The following VPS53 variants were observed in gnomAD, a reference collection of about 807,000 sequenced individuals.
VPS53 encodes the protein vacuolar protein sorting-associated protein 53 homolog.
A neutral mutation model predicts 107.0 loss-of-function variants in VPS53; 70 were observed. The observed-to-expected ratio is 0.65, with a 90% confidence interval of 0.54 to 0.80. The LOEUF is 0.80. Ranked by LOEUF, VPS53 falls within the 30% of genes least tolerant of loss-of-function variation. The probability of loss-of-function intolerance (pLI) is 0.00; values close to 1 mark genes in which losing one functional copy is unlikely to be tolerated. For missense variants in VPS53, 917 were observed against 1,049.4 expected, an observed-to-expected ratio of 0.87 and a Z score of 1.74; for synonymous variants, 409 against 393.3, an observed-to-expected ratio of 1.04 and a Z score of -0.47.
chr17:587,465 T>TAGAG (rs935886769), intron 12 of VPS53, among the ~76,000 whole-genome samples: 1 of 152,106 alleles, frequency 6.6e-6, no homozygotes, highest in Non-Finnish European at 1.5e-5. Context: ...ATCAGATAGA[T>TAGAG]AGAGAGAGAG....
chr17:549,825 G>C (rs983288818), intron 17 of VPS53, among the ~76,000 whole-genome samples: 20 of 152,318 alleles, frequency 1.3e-4, no homozygotes, highest in African/African-American at 4.6e-4. Flanking sequence ...GAGAATACTG[G>C]AAGTACCCAT....
intron 13 of VPS53, among the ~76,000 whole-genome samples, chr17:578,674 T>C (rs1323543147): frequency 3.3e-5 from 5 of 150,116 alleles, no homozygotes; most frequent in African/African-American, 1.2e-4. Flanking sequence ...ACAACTTCCC[T>C]GAGAACCTAA....
intron 17 of VPS53, among the ~76,000 whole-genome samples, chr17:546,835 G>T (rs928131284): frequency 6.6e-6 from 1 of 150,902 alleles, no homozygotes; most frequent in African/African-American, 2.4e-5. Context: ...TGACCATACG[G>T]CTCTTTCAGT....
chr17:570,372 CAAAAAAAAAAAAAA>C (rs57449097), intron 13 of VPS53, among the ~76,000 whole-genome samples: 1 of 90,438 alleles, frequency 1.1e-5, no homozygotes, highest in Non-Finnish European at 2.0e-5. Context: ...GACTCTGTCT[CAAAAAAAAAAAAAA>C]AAAAAAAAAG....
chr17:654,686 T>G lies in VPS53; in HGVS notation c.488+1152A>C, dbSNP rs372059682. Among the ~76,000 whole-genome samples, 406 of 132,010 alleles carry G rather than the reference T, an allele frequency of 3.1e-3. 3 individuals carry two copies. Among genetic ancestry groups the G allele is most frequent in the African/African-American group, 0.011 (354 of 33,068 alleles). 86.6% of individuals were successfully genotyped at this position (132,010 alleles called of 152,430 possible). A position where few individuals can be genotyped will look rare whatever the true frequency, so the allele number is the denominator to read the frequency against. On this transcript the variant is annotated intron_variant, in intron 6 of 21. Transcript: ENST00000437048. ...CGGGAGGCGGAGCTTGCAGTGAGCC[T>G]AGATCGCGCCACTGCACTCCAGCCT...
intron 13 of VPS53, among the ~76,000 whole-genome samples, chr17:582,289 G>A (rs1209640167): frequency 6.9e-6 from 1 of 145,414 alleles, no homozygotes; most frequent in Non-Finnish European, 1.5e-5. Context: ...AAACCTCAGT[G>A]TGTTCCCAGA....
chr17:592,143 A>G (rs1967693627), intron 12 of VPS53, among the ~76,000 whole-genome samples: 3 of 152,206 alleles, frequency 2.0e-5, no homozygotes, highest in Admixed American at 2.0e-4. Context: ...CCATTAAGTA[A>G]TGGCCTTCTT....
At chr17:628,610 G>A (rs1015255908) in intron 8 of VPS53, among the ~76,000 whole-genome samples, 1 of 152,096 alleles carries the variant, frequency 6.6e-6, no homozygotes, top group African/African-American at 2.4e-5. Flanking sequence ...AATGCCACCA[G>A]CCTCTCTCCT....
At chr17:710,718 G>A in intron 1 of VPS53, 105 bp from the exon 2 acceptor site, 1 of 803,338 alleles carries the variant, frequency 1.2e-6, no homozygotes, top group Non-Finnish European at 2.0e-6. Flanking sequence ...GGTGGCTCAT[G>A]CCTGTAATCA....
At chr17:552,309 TCG>T (rs1911896612) in intron 16 of VPS53, among the ~76,000 whole-genome samples, 8 of 138,256 alleles carry the variant, frequency 5.8e-5, no homozygotes, top group African/African-American at 1.5e-4. Flanking sequence ...TTTTGATTCT[TCG>T]TCAATAAGTG....
rs1407542921 is a variant in VPS53 at position 517,434 on chromosome 17, A to C, written c.*1694T>G. The C allele has an allele frequency of 1.3e-5, 5 of 398,982 alleles. No individual in the cohort carries two copies. The East Asian group carries it at 1.8e-4, about 14-fold the overall frequency. The allele number at this position is 398,982 out of a possible 1,614,324, so 24.7% of individuals were successfully genotyped here. ...TATGTTGGGAAACAAGGTGGGGATG[A>C]GGAAATCAGGTTTCCAGGCAGATTT... On this transcript the variant is annotated 3_prime_UTR_variant, in exon 22 of 22. Coordinates refer to ENST00000437048, the MANE Select transcript of VPS53 (RefSeq NM_001128159.3).
chr17:562,540 C>A lies in VPS53; in HGVS notation c.1519G>T (p.Glu507Ter). The change falls in exon 14 of 22, where the codon GAA becomes TAA. Residue 507 changes from glutamate to a stop codon, truncating the protein, a stop_gained. Coordinates refer to ENST00000437048, the MANE Select transcript of VPS53 (RefSeq NM_001128159.3). LOFTEE classifies it high-confidence loss of function. ...LTTIFQKYLR[E>*]YAWKILSGNL... Reference sequence around the variant, plus strand: ...CCAGAGAGGATTTTCCAGGCGTATTCTCGGAGGTACTTCTGGAAAATGGTG... The same window carrying A: ...CCAGAGAGGATTTTCCAGGCGTATTATCGGAGGTACTTCTGGAAAATGGTG... The A allele has an allele frequency of 6.2e-7, 1 of 1,614,066 alleles. No homozygotes were observed. The highest frequency in any genetic ancestry group is 8.5e-7 in the Non-Finnish European group (1 of 1,180,012).
At chr17:685,841 A>C (rs1434537809) in intron 4 of VPS53, among the ~76,000 whole-genome samples, 1 of 152,138 alleles carries the variant, frequency 6.6e-6, no homozygotes, top group Non-Finnish European at 1.5e-5. Flanking sequence ...CACTACAAAA[A>C]AAAACTTTTT....
chr17:514,970 T>TAAC lies in VPS53; in HGVS notation c.*4157_*4158insGTT, dbSNP rs773903729. 6.6e-6 allele frequency: 1 copy of TAAC among 152,128 alleles called. No homozygotes were observed. The highest frequency in any genetic ancestry group is 1.5e-5 in the Non-Finnish European group (1 of 68,038). 9.4% of individuals were successfully genotyped at this position (152,128 alleles called of 1,614,324 possible). ...CTTGTCCATTGCGGCTCCTGTTTCATTGTTAAGAGTCCACACAGGATGTTC... is the reference window on the plus strand; with the variant it reads ...CTTGTCCATTGCGGCTCCTGTTTCATAACTGTTAAGAGTCCACACAGGATGTTC... On this transcript the variant is annotated 3_prime_UTR_variant, in exon 22 of 22. Coordinates refer to ENST00000437048, the MANE Select transcript of VPS53 (RefSeq NM_001128159.3).
At chr17:532,734 G>A in intron 19 of VPS53, 108 bp downstream of exon 19, 1 of 1,520,394 alleles carries the variant, frequency 6.6e-7, no homozygotes, top group Non-Finnish European at 8.9e-7. Context: ...CCCCAAACAG[G>A]GGACATCATC....
intron 13 of VPS53, among the ~76,000 whole-genome samples, chr17:577,565 C>T (rs1017819964): frequency 6.6e-6 from 1 of 151,326 alleles, no homozygotes; most frequent in Admixed American, 6.6e-5. Context: ...AATACGTTCG[C>T]AGAGAAACTC....
chr17:611,743 A>G (rs1968887152), intron 11 of VPS53, among the ~76,000 whole-genome samples: 1 of 152,236 alleles, frequency 6.6e-6, no homozygotes, highest in African/African-American at 2.4e-5. Context: ...GTGAGTTCAC[A>G]TAGTGAAAAC....
chr17:526,713 G>T (rs1043962717), intron 19 of VPS53, among the ~76,000 whole-genome samples: 30 of 152,250 alleles, frequency 2.0e-4, no homozygotes, highest in African/African-American at 6.5e-4. Flanking sequence ...TAATGTTGTT[G>T]ATGGGATGTG....
rs541284236 is a variant in VPS53, at chr17:536,900, G to C, written c.2015+128C>G. 2.4e-3 allele frequency: 2,863 copies of C among 1,198,000 alleles called. 8 individuals are homozygous for C. The highest frequency in any genetic ancestry group is 8.5e-3 in the Middle Eastern group (43 of 5,036). 74.2% of individuals were successfully genotyped at this position (1,198,000 alleles called of 1,614,324 possible). A position where few individuals can be genotyped will look rare whatever the true frequency, so the allele number is the denominator to read the frequency against. ...GGTAATGGGAAGACTGTGCATGTTG[G>C]GGGGGTCAGGTACACGGGAAATCTC... On this transcript the variant is annotated intron_variant, in intron 18 of 21. Transcript: ENST00000437048.
Sources: allele counts gnomAD v4.1 joint callset (sites outside exome capture counted in the v4.1 genomes callset), GRCh38; gene constraint gnomAD v4.1.1; transcripts MANE v1.5; gene names NCBI Gene and HGNC (gene_info 2026-07-23, HGNC 2026-07-21).